GRM7: variants seen among roughly 807,000 people sequenced by gnomAD.
The protein encoded by GRM7 is metabotropic glutamate receptor 7.
GRM7 carries 35 observed loss-of-function variants against 84.5 expected under a neutral mutation model. The observed-to-expected ratio is 0.41, with a 90% confidence interval of 0.32 to 0.55. The LOEUF is 0.55. GRM7 is among the 20% of genes least tolerant of loss of function. The pLI is 0.19. For synonymous variants in GRM7, 487 were observed against 455.1 expected (o/e 1.07, Z -0.89); for missense variants, 1,003 against 1,194.6 (o/e 0.84, Z 2.36).
At chr3:6,864,648 T>C (rs1694880841) in intron 1 of GRM7, among the ~76,000 whole-genome samples, 1 of 152,224 alleles carries the variant, frequency 6.6e-6, no homozygotes, top group African/African-American at 2.4e-5. Flanking sequence ...TGCAGGTTGC[T>C]TTAGGGACCA....
At chr3:7,200,728 CTT>C (rs1227309299) in intron 2 of GRM7, among the ~76,000 whole-genome samples, 2 of 152,196 alleles carry the variant, frequency 1.3e-5, no homozygotes, top group Non-Finnish European at 2.9e-5. Context: ...AGAGGCCACA[CTT>C]TGTGGATCAC....
At chr3:7,303,836 ACT>A (rs1320939510) in intron 3 of GRM7, among the ~76,000 whole-genome samples, 3 of 150,218 alleles carry the variant, frequency 2.0e-5, no homozygotes, top group Non-Finnish European at 4.4e-5. Context: ...TCTTCCTCTC[ACT>A]CTCTCTTTGT....
At chr3:7,572,862 AT>A (rs1694764325) in intron 7 of GRM7, among the ~76,000 whole-genome samples, 5 of 48,896 alleles carry the variant, frequency 1.0e-4, no homozygotes, top group African/African-American at 2.0e-4. Flanking sequence ...ATATATATAT[AT>A]ATATATATAT....
chr3:7,228,277 T>C (rs1697048254), intron 2 of GRM7, among the ~76,000 whole-genome samples: 1 of 152,174 alleles, frequency 6.6e-6, no homozygotes, highest in South Asian at 2.1e-4. Flanking sequence ...TCAGTACAGA[T>C]ATGTTTAAGG....
At chr3:6,879,564 A>G (rs1046368673) in intron 1 of GRM7, among the ~76,000 whole-genome samples, 3 of 152,184 alleles carry the variant, frequency 2.0e-5, no homozygotes, top group Non-Finnish European at 4.4e-5. Context: ...TAATTTTTAG[A>G]AAGATGAGTG....
chr3:6,872,660 G>T (rs1200005800), intron 1 of GRM7, among the ~76,000 whole-genome samples: 2 of 151,274 alleles, frequency 1.3e-5, no homozygotes, highest in African/African-American at 4.9e-5. Flanking sequence ...TCCCCTCCCT[G>T]TGTCCATATG....
chr3:7,412,793 C>T (rs950043610), intron 4 of GRM7, among the ~76,000 whole-genome samples: 2 of 151,474 alleles, frequency 1.3e-5, no homozygotes, highest in South Asian at 4.2e-4. Context: ...ACCATCTGCC[C>T]CTTATAAAAG....
At chr3:7,570,749 A>C (rs1239359) in intron 7 of GRM7, among the ~76,000 whole-genome samples, 34,939 of 152,176 alleles carry the variant, frequency 0.23, 4,895 homozygotes, top group Non-Finnish European at 0.29. Context: ...GTGGTGCCTC[A>C]GTAGGGACTC....
At chr3:6,880,974 G>A (rs1695486580) in intron 1 of GRM7, among the ~76,000 whole-genome samples, 1 of 152,042 alleles carries the variant, frequency 6.6e-6, no homozygotes, top group Admixed American at 6.6e-5. Context: ...CTGTAGTTCA[G>A]TTTGGACTTC....
chr3:6,921,833 C>G (rs998544850), intron 1 of GRM7, among the ~76,000 whole-genome samples: 8 of 152,222 alleles, frequency 5.3e-5, no homozygotes, highest in East Asian at 1.9e-4. Flanking sequence ...CTCCTCTCCC[C>G]CCAAATCACA....
At chr3:7,651,557 T>C (rs1228421889) in intron 8 of GRM7, among the ~76,000 whole-genome samples, 1 of 152,222 alleles carries the variant, frequency 6.6e-6, no homozygotes, top group Non-Finnish European at 1.5e-5. Flanking sequence ...GAGAGCTATT[T>C]ACATACATCT....
chr3:7,276,201 A>ATG (rs761570108), intron 2 of GRM7, among the ~76,000 whole-genome samples: 5,756 of 131,776 alleles, frequency 0.044, 120 homozygotes, highest in Non-Finnish European at 0.065. Flanking sequence ...TTATATATAT[A>ATG]TATATATGTG....
At chr3:6,864,288 T>C (rs1233088623) in intron 1 of GRM7, among the ~76,000 whole-genome samples, 1 of 152,128 alleles carries the variant, frequency 6.6e-6, no homozygotes, top group East Asian at 1.9e-4. Context: ...GATAAAACAG[T>C]TGGTTTGTAT....
intron 8 of GRM7, among the ~76,000 whole-genome samples, chr3:7,659,181 A>G (rs1699325535): frequency 6.6e-6 from 1 of 152,198 alleles, no homozygotes; most frequent in Non-Finnish European, 1.5e-5. Flanking sequence ...AATGTTCCCC[A>G]TGAGCAGAAA....
chr3:7,698,184 G>T (rs1701091391), intron 9 of GRM7, among the ~76,000 whole-genome samples: 1 of 152,154 alleles, frequency 6.6e-6, no homozygotes, highest in South Asian at 2.1e-4. Flanking sequence ...GGGGCCATTT[G>T]CAAGGGGAAA....
intron 1 of GRM7, among the ~76,000 whole-genome samples, chr3:7,061,911 T>C (rs1697445200): frequency 6.6e-6 from 1 of 151,674 alleles, no homozygotes; most frequent in Non-Finnish European, 1.5e-5. Context: ...CAAAATAGCA[T>C]ATTCCCTGCC....
At chr3:7,491,998 A>G (rs1699535948) in intron 7 of GRM7, among the ~76,000 whole-genome samples, 1 of 151,730 alleles carries the variant, frequency 6.6e-6, no homozygotes, top group Admixed American at 6.6e-5. Flanking sequence ...GCTTATTGAT[A>G]TGGTAGACTG....
chr3:7,186,509 T>C (rs1559491606), intron 2 of GRM7, among the ~76,000 whole-genome samples: 1 of 152,238 alleles, frequency 6.6e-6, no homozygotes, highest in Non-Finnish European at 1.5e-5. Context: ...TCCTGATTGT[T>C]CATTAAAACG....
At chr3:7,094,612 C>A (rs962315148) in intron 1 of GRM7, among the ~76,000 whole-genome samples, 1 of 152,154 alleles carries the variant, frequency 6.6e-6, no homozygotes, top group South Asian at 2.1e-4. Flanking sequence ...TCACTTATCA[C>A]ATGAAAACAT....
Sources: allele counts gnomAD v4.1 joint callset (sites outside exome capture counted in the v4.1 genomes callset), GRCh38; gene constraint gnomAD v4.1.1; transcripts MANE v1.5; gene names NCBI Gene and HGNC (gene_info 2026-07-23, HGNC 2026-07-21).